The following NPTXR variants were observed in gnomAD, a reference collection of about 807,000 sequenced individuals.
The protein encoded by NPTXR is neuronal pentraxin receptor.
Under a neutral mutation model 32.2 loss-of-function variants are expected in NPTXR, and 12 were observed. The observed-to-expected ratio is 0.37, with a 90% CI of 0.24 to 0.60. NPTXR has a LOEUF of 0.60. Among genes scored for constraint, NPTXR ranks in the 20% least tolerant of loss-of-function variants. NPTXR has a pLI of 0.66. For missense variants in NPTXR, 612 were observed against 682.9 expected (o/e 0.90, Z 1.16); for synonymous variants, 323 against 315.8 (o/e 1.02, Z -0.24).
At position 38,822,671 on chromosome 22, in the gene NPTXR, C is replaced by A; in HGVS notation, c.1441G>T (p.Glu481Ter). The change falls in exon 5 of 5, where the codon GAG becomes TAG. Residue 481 changes from glutamate (E) to a stop codon, truncating the protein, a stop_gained. Coordinates refer to ENST00000333039, the MANE Select transcript of NPTXR (RefSeq NM_014293.4). LOFTEE classifies it high-confidence loss of function. ...GCCTTTGTTGCACCCCCAAAGGCCT[C>A]CACCAACTTGTCTTCCCAGGGAAGG... The A allele has an allele frequency of 6.2e-7, 1 of 1,614,124 alleles. No homozygotes were observed. Among genetic ancestry groups the A allele is most frequent in the Non-Finnish European group, 8.5e-7 (1 of 1,179,990 alleles).
Position 38,822,519 on chromosome 22 carries a change from C to A in NPTXR, c.*90G>T. 1.8e-6 allele frequency: 2 copies of A among 1,132,518 alleles called. No individual in the cohort carries two copies. Among genetic ancestry groups the A allele is most frequent in the Non-Finnish European group, 2.6e-6 (2 of 779,218 alleles). 70.2% of individuals were successfully genotyped at this position (1,132,518 alleles called of 1,614,324 possible). A position where few individuals can be genotyped will look rare whatever the true frequency, so the allele number is the denominator to read the frequency against. ...GCCAGGAGTGGGGCAGGAGGGAAGGCCAGTGCGTGGGCAGGCTGAGGAGGG... is the reference window on the plus strand; with the variant it reads ...GCCAGGAGTGGGGCAGGAGGGAAGGACAGTGCGTGGGCAGGCTGAGGAGGG... On this transcript the variant is annotated 3_prime_UTR_variant, in exon 5 of 5. Coordinates refer to ENST00000333039, the MANE Select transcript of NPTXR (RefSeq NM_014293.4).
At chr22:38,830,072 TG>T (rs1346128345) in intron 1 of NPTXR, among the ~76,000 whole-genome samples, 1 of 152,174 alleles carries the variant, frequency 6.6e-6, no homozygotes, top group African/African-American at 2.4e-5. Context: ...ATCAGAGTGC[TG>T]GGGGCAAAGG....
chr22:38,830,056 C>T (rs924008896), intron 1 of NPTXR, among the ~76,000 whole-genome samples: 1 of 152,184 alleles, frequency 6.6e-6, no homozygotes, highest in African/African-American at 2.4e-5. Context: ...GAAGTGCGTC[C>T]CCTGCATCAG....
chr22:38,838,643 A>G lies in NPTXR; in HGVS notation c.624+4592T>C, dbSNP rs528186050. On this transcript the variant is annotated intron_variant, in intron 1 of 4. Coordinates refer to ENST00000333039, the MANE Select transcript of NPTXR (RefSeq NM_014293.4). ...GTCGCCCAGGCTGGAGTGCAGTGGC[A>G]AGATCTCGGCTCACTGCAAGCTCCG... 2.1e-5 allele frequency among the ~76,000 whole-genome samples: 3 copies of G among 143,084 alleles called. No homozygotes were observed. In the East Asian group the frequency reaches 6.2e-4, roughly 30 times the overall value. The allele number at this position is 143,084 out of a possible 152,430, so 93.9% of individuals were successfully genotyped here.
At position 38,820,491 on chromosome 22, in the gene NPTXR, G is replaced by A; in HGVS notation, c.*2118C>T. The A allele has an allele frequency of 6.6e-6, 1 of 152,380 alleles. No individual in the cohort carries two copies. Among genetic ancestry groups the A allele is most frequent in the Non-Finnish European group, 1.5e-5 (1 of 68,082 alleles). The allele number at this position is 152,380 out of a possible 1,614,324, so 9.4% of individuals were successfully genotyped here. A position where few individuals can be genotyped will look rare whatever the true frequency, so the allele number is the denominator to read the frequency against. ...CACTTGAGCCAGGGAGCATGCAGCT[G>A]CTCAGACACCTGGTAGGTGACTAGC... On this transcript the variant is annotated 3_prime_UTR_variant, in exon 5 of 5. Transcript: ENST00000333039.
chr22:38,828,586 G>C lies in NPTXR; in HGVS notation c.625-74C>G, dbSNP rs1429698391. 1.0e-5 allele frequency: 13 copies of C among 1,266,216 alleles called. No homozygotes were observed. In the South Asian group the frequency reaches 1.8e-4, roughly 17 times the overall value. 78.4% of individuals were successfully genotyped at this position (1,266,216 alleles called of 1,614,324 possible). ...GGCTGGGAACACTCAGATGCCTACCGCCCCTGCTCAGTGACCCCAGGGGAG... is the reference window on the plus strand; with the variant it reads ...GGCTGGGAACACTCAGATGCCTACCCCCCCTGCTCAGTGACCCCAGGGGAG... On this transcript the variant is annotated intron_variant, in intron 1 of 4. Transcript: ENST00000333039.
Position 38,826,562 on chromosome 22 carries a change from C to A in NPTXR, c.1036G>T (p.Ala346Ser). The A allele has an allele frequency of 6.2e-7, 1 of 1,614,182 alleles. No individual in the cohort carries two copies. The highest frequency in any genetic ancestry group is 1.7e-5 in the Admixed American group (1 of 60,034). ...GCCTCTAGCAGTACAATCTCGTTGG[C>A]CTGCCCGGGCACTGAGTAGGAGAAG... The change falls in exon 3 of 5, where the codon GCC becomes TCC. Residue 346 changes from alanine (A) to serine (S), a missense_variant. Transcript: ENST00000333039.
At chr22:38,836,305 T>C (rs1231464264) in intron 1 of NPTXR, among the ~76,000 whole-genome samples, 2 of 152,106 alleles carry the variant, frequency 1.3e-5, no homozygotes, top group African/African-American at 4.8e-5. Context: ...CCAACAGATA[T>C]CCCAAGAATG....
intron 1 of NPTXR, among the ~76,000 whole-genome samples, chr22:38,835,449 A>G (rs1018099242): frequency 6.6e-6 from 1 of 152,176 alleles, no homozygotes; most frequent in African/African-American, 2.4e-5. Context: ...GTCTCCTAGT[A>G]CCACTTTGGA....
chr22:38,825,377 G>T (rs941209429), intron 3 of NPTXR, among the ~76,000 whole-genome samples: 3 of 152,102 alleles, frequency 2.0e-5, no homozygotes, highest in Admixed American at 2.0e-4. Flanking sequence ...TGCAAAATGG[G>T]GATAATGAGG....
rs112028648 is a variant in NPTXR at position 38,819,982 on chromosome 22, T to A, written c.*2627A>T. On this transcript the variant is annotated 3_prime_UTR_variant, in exon 5 of 5. Transcript: ENST00000333039. ...AGCATAAAGGACTTGGGGTTGAGCGTGTGTGTGGGCTCAAGTGACCATGCA... is the reference window on the plus strand; with the variant it reads ...AGCATAAAGGACTTGGGGTTGAGCGAGTGTGTGGGCTCAAGTGACCATGCA... 100 of 152,662 alleles carry A rather than the reference T, an allele frequency of 6.6e-4. No homozygotes were observed. Among genetic ancestry groups the A allele is most frequent in the African/African-American group, 2.2e-3 (91 of 41,534 alleles). The allele number at this position is 152,662 out of a possible 1,614,324, so 9.5% of individuals were successfully genotyped here. A position where few individuals can be genotyped will look rare whatever the true frequency, so the allele number is the denominator to read the frequency against.
intron 1 of NPTXR, among the ~76,000 whole-genome samples, chr22:38,833,102 C>T (rs1405713380): frequency 6.6e-6 from 1 of 152,120 alleles, no homozygotes; most frequent in African/African-American, 2.4e-5. Context: ...ACAGACTGTG[C>T]TCATTCCTCA....
chr22:38,833,121 C>G lies in NPTXR; in HGVS notation c.625-4609G>C, dbSNP rs140774172. ...ACTGTGCTCATTCCTCAGGCCTACA[C>G]TGCTGGTCTGGGTCTGTTGAGGGTC... On this transcript the variant is annotated intron_variant, in intron 1 of 4. Coordinates refer to ENST00000333039, the MANE Select transcript of NPTXR (RefSeq NM_014293.4). 1.3e-3 allele frequency among the ~76,000 whole-genome samples: 193 copies of G among 152,298 alleles called. 1 individual carries two copies. The East Asian group carries it at 0.014, about 11-fold the overall frequency.
rs763837730 is a variant in NPTXR, at chr22:38,828,504, A to T, written c.633T>A (p.Leu211=). 6.3e-7 allele frequency: 1 copy of T among 1,596,930 alleles called. No individual in the cohort carries two copies. Among genetic ancestry groups the T allele is most frequent in the Non-Finnish European group, 8.5e-7 (1 of 1,172,220 alleles). Reference sequence around the variant, plus strand: ...CAGCTGAGAGGTTCACACGGGCTGGAAGCTCCTGCTGTTCACAGGGCAGAG... The same window carrying T: ...CAGCTGAGAGGTTCACACGGGCTGGTAGCTCCTGCTGTTCACAGGGCAGAG... Residue 211 remains leucine (L), a synonymous_variant, in exon 2 of 5, where the codon CTT becomes CTA. Transcript: ENST00000333039.
chr22:38,823,262 C>T lies in NPTXR; in HGVS notation c.1099G>A (p.Val367Met), dbSNP rs1484172790. 1.9e-6 allele frequency: 3 copies of T among 1,610,322 alleles called. No individual in the cohort carries two copies. Among genetic ancestry groups the T allele is most frequent in the East Asian group, 2.2e-5 (1 of 44,880 alleles). Residue 367 changes from valine to methionine, a missense_variant and splice_region_variant, in exon 4 of 5, where the codon GTG becomes ATG. Val to Met is a conservative substitution (Grantham distance 21). Transcript: ENST00000333039. ...TTCAGGCTCAGGGGCAGCTGGGCCACCTGGACACAGGTCCCCCAACCCCAG... is the reference window on the plus strand; with the variant it reads ...TTCAGGCTCAGGGGCAGCTGGGCCATCTGGACACAGGTCCCCCAACCCCAG...
chr22:38,824,420 G>C (rs2093103093), intron 3 of NPTXR, among the ~76,000 whole-genome samples: 1 of 152,106 alleles, frequency 6.6e-6, no homozygotes, highest in Non-Finnish European at 1.5e-5. Flanking sequence ...AGGACTTTGG[G>C]GCAATGCTAT....
Position 38,843,247 on chromosome 22 carries a change from G to A in NPTXR, c.612C>T (p.Ile204=). The change falls in exon 1 of 5, where the codon ATC becomes ATT. Residue 204 remains isoleucine (I), a synonymous_variant. Coordinates refer to ENST00000333039, the MANE Select transcript of NPTXR (RefSeq NM_014293.4). This position sits in a 1 kb window ranked among gnomAD's most constrained non-coding sequence, Gnocchi z 5.3. ...GCGCGGCGCTCACCTCCAGGCGGTC[G>A]ATGCGGTCCCGCAGGGCGCGCACGG... 1.4e-6 allele frequency: 2 copies of A among 1,395,976 alleles called. No homozygotes were observed. The highest frequency in any genetic ancestry group is 9.3e-7 in the Non-Finnish European group (1 of 1,080,224). The allele number at this position is 1,395,976 out of a possible 1,614,324, so 86.5% of individuals were successfully genotyped here.
intron 1 of NPTXR, among the ~76,000 whole-genome samples, chr22:38,842,212 C>CTCCA (rs1470385908): frequency 1.8e-4 from 28 of 152,378 alleles, no homozygotes; most frequent in Non-Finnish European, 7.3e-5. Flanking sequence ...GCCTGCTGCA[C>CTCCA]TCCACCTGGG....
In NPTXR at chr22:38,843,743, CCGCCGGGCAGCGCCCG is replaced by C; in HGVS notation, c.100_115del (p.Arg34AlafsTer21). On this transcript the variant is annotated frameshift_variant, in exon 1 of 5. Transcript: ENST00000333039. LOFTEE classifies it high-confidence loss of function. The surrounding 1 kb of genome is among the most constrained non-coding windows in gnomAD (Gnocchi z 5.3). ...CGAGGCGACCGAAGCATTGTCGGCG[CCGCCGGGCAGCGCCCG>C]CGCCGGGCTGGCCGCCAGGGGCACG... is the stretch of plus-strand genomic sequence containing the variant. 1 of 997,004 alleles carries C rather than the reference CCGCCGGGCAGCGCCCG, an allele frequency of 1.0e-6. No homozygotes were observed. The highest frequency in any genetic ancestry group is 4.5e-5 in the South Asian group (1 of 22,048). 61.8% of individuals were successfully genotyped at this position (997,004 alleles called of 1,614,324 possible). A position where few individuals can be genotyped will look rare whatever the true frequency, so the allele number is the denominator to read the frequency against.
Sources: allele counts gnomAD v4.1 joint callset (sites outside exome capture counted in the v4.1 genomes callset), GRCh38; gene constraint gnomAD v4.1.1; non-coding constraint Gnocchi (gnomAD v3.1); transcripts MANE v1.5; gene names NCBI Gene and HGNC (gene_info 2026-07-23, HGNC 2026-07-21).